The following RASAL2 variants were observed in gnomAD, a reference collection of about 807,000 sequenced individuals.
The protein encoded by RASAL2 is RAS protein activator like 2, also known as ras GTPase-activating protein nGAP.
RASAL2 carries 58 observed loss-of-function variants against 128.9 expected under a neutral mutation model. The ratio of observed to expected loss-of-function variants is 0.45; its 90% confidence interval spans 0.36 to 0.56. The LOEUF is 0.56. Ranked by LOEUF, RASAL2 falls within the 20% of genes least tolerant of loss-of-function variation. The pLI is 0.00. For synonymous variants in RASAL2, 561 were observed against 580.8 expected (o/e 0.97, Z 0.49); for missense variants, 1,360 against 1,601.6 (o/e 0.85, Z 2.57).
At chr1:178,451,026 T>G (rs907971817) in intron 9 of RASAL2, among the ~76,000 whole-genome samples, 1 of 152,180 alleles carries the variant, frequency 6.6e-6, no homozygotes, top group Non-Finnish European at 1.5e-5. Flanking sequence ...TGGAAAAGCA[T>G]ATACAGATTA....
intron 1 of RASAL2, among the ~76,000 whole-genome samples, chr1:178,122,628 G>C (rs1659757402): frequency 6.6e-6 from 1 of 152,198 alleles, no homozygotes; most frequent in Non-Finnish European, 1.5e-5. Context: ...TTAGAGCCAA[G>C]TATGTTTGTG....
chr1:178,187,274 T>C, intron 1 of RASAL2, among the ~76,000 whole-genome samples: 1 of 152,206 alleles, frequency 6.6e-6, no homozygotes, highest in East Asian at 1.9e-4. Context: ...TTGCCATATC[T>C]TATTGTTCAC....
chr1:178,260,436 GGAAGATT>G lies in RASAL2; in HGVS notation c.203-23127_203-23121del, dbSNP rs1297270354. Among the ~76,000 whole-genome samples, 3 of 119,084 alleles carry G rather than the reference GGAAGATT, an allele frequency of 2.5e-5. No individual in the cohort carries two copies. The South Asian group carries it at 9.1e-4, about 36-fold the overall frequency. The allele number at this position is 119,084 out of a possible 152,430, so 78.1% of individuals were successfully genotyped here. A position where few individuals can be genotyped will look rare whatever the true frequency, so the allele number is the denominator to read the frequency against. On this transcript the variant is annotated intron_variant, in intron 1 of 17. Coordinates refer to ENST00000367649, the MANE Select transcript of RASAL2 (RefSeq NM_170692.4). The stretch of plus-strand genomic sequence containing the variant: ...TATATGATAATAATTTTAGCAAACT[GGAAGATT>G]CAAGAAAGTCTGGCACCTTTTATCT...
intron 1 of RASAL2, among the ~76,000 whole-genome samples, chr1:178,206,270 A>G (rs78174654): frequency 3.0e-3 from 464 of 152,284 alleles, no homozygotes; most frequent in Middle Eastern, 6.8e-3. Flanking sequence ...CCAAATGGCT[A>G]AAGTATATTC....
At chr1:178,173,643 A>C (rs1661778945) in intron 1 of RASAL2, among the ~76,000 whole-genome samples, 1 of 152,066 alleles carries the variant, frequency 6.6e-6, no homozygotes, top group Non-Finnish European at 1.5e-5. Context: ...TGTTTCTGTG[A>C]ACCTTAGTGG....
chr1:178,466,455 T>C (rs1051711644), intron 16 of RASAL2, among the ~76,000 whole-genome samples: 12 of 152,142 alleles, frequency 7.9e-5, no homozygotes, highest in Admixed American at 2.0e-4. Context: ...TCCAGAAACA[T>C]GGAAAGGAAT....
intron 4 of RASAL2, among the ~76,000 whole-genome samples, chr1:178,413,675 A>C (rs1324052364): frequency 1.3e-5 from 2 of 152,252 alleles, no homozygotes; most frequent in Non-Finnish European, 2.9e-5. Flanking sequence ...CAGAGCAAGC[A>C]TCAGAACCAG....
chr1:178,327,697 C>T (rs1400084561), intron 3 of RASAL2, among the ~76,000 whole-genome samples: 5 of 152,100 alleles, frequency 3.3e-5, no homozygotes, highest in Admixed American at 1.3e-4. Flanking sequence ...GAAAGACAAC[C>T]TTGTTAGTTC....
intron 17 of RASAL2, among the ~76,000 whole-genome samples, chr1:178,468,233 T>C (rs193044180): frequency 1.4e-3 from 207 of 152,354 alleles, no homozygotes; most frequent in African/African-American, 4.8e-3. Context: ...TTTTATAGTT[T>C]TGATAGTGGC....
intron 1 of RASAL2, among the ~76,000 whole-genome samples, chr1:178,162,776 C>A (rs955292741): frequency 9.9e-5 from 15 of 150,866 alleles, no homozygotes; most frequent in Non-Finnish European, 1.8e-4. Flanking sequence ...TTAGTAGAGA[C>A]AGTGTTTTAC....
intron 1 of RASAL2, among the ~76,000 whole-genome samples, chr1:178,142,824 C>G (rs189492470): frequency 2.2e-4 from 34 of 152,166 alleles, no homozygotes; most frequent in African/African-American, 7.7e-4. Context: ...ACCTCTTGGG[C>G]CTTTTCTGTC....
chr1:178,372,149 T>G lies in RASAL2; in HGVS notation c.458-17951T>G, dbSNP rs928540458. On this transcript the variant is annotated intron_variant, in intron 3 of 17. Transcript: ENST00000367649. ...ACTGCCTAGCCAGCAATTTAAGTGT[T>G]GGACCCCCAAGAATTTAGTCTCTGT... is the stretch of plus-strand genomic sequence containing the variant. 7 of 984,812 alleles carry G rather than the reference T, an allele frequency of 7.1e-6. No homozygotes were observed. In the African/African-American group the frequency reaches 1.2e-4, roughly 17 times the overall value. 61.0% of individuals were successfully genotyped at this position (984,812 alleles called of 1,614,324 possible). A position where few individuals can be genotyped will look rare whatever the true frequency, so the allele number is the denominator to read the frequency against.
intron 17 of RASAL2, among the ~76,000 whole-genome samples, chr1:178,467,726 C>T (rs183380115): frequency 2.0e-5 from 3 of 152,304 alleles, no homozygotes; most frequent in Admixed American, 6.5e-5. Flanking sequence ...TTTCTAAGGG[C>T]GTAATTGTGA....
chr1:178,281,124 T>A (rs1383828413), intron 1 of RASAL2, among the ~76,000 whole-genome samples: 1 of 151,764 alleles, frequency 6.6e-6, no homozygotes, highest in Non-Finnish European at 1.5e-5. Context: ...TTTTTTCTTG[T>A]TTTTTTTCCC....
intron 1 of RASAL2, among the ~76,000 whole-genome samples, chr1:178,096,489 A>AGTGT (rs1558050974): frequency 7.3e-6 from 1 of 136,176 alleles, no homozygotes; most frequent in African/African-American, 2.6e-5. Context: ...TGTGTGTGTA[A>AGTGT]GAGAGAGAGA....
chr1:178,468,707 C>T (rs966730879), intron 17 of RASAL2, among the ~76,000 whole-genome samples: 1 of 152,162 alleles, frequency 6.6e-6, no homozygotes, highest in African/African-American at 2.4e-5. Flanking sequence ...TAGTAATTAT[C>T]TTACTTGGTC....
intron 1 of RASAL2, among the ~76,000 whole-genome samples, chr1:178,176,399 A>T (rs1432531246): frequency 5.2e-5 from 7 of 135,460 alleles, no homozygotes; most frequent in East Asian, 2.0e-4. Context: ...CCACTTTTTG[A>T]TGGGATTTTT....
chr1:178,259,358 C>G, intron 1 of RASAL2, among the ~76,000 whole-genome samples: 1 of 151,920 alleles, frequency 6.6e-6, no homozygotes, highest in Non-Finnish European at 1.5e-5. Context: ...GTCTCGATCT[C>G]CTGACCTCGT....
rs779433400 is a variant in RASAL2 at position 178,443,145 on chromosome 1, C to T, written c.1398C>T (p.Val466=). The T allele has an allele frequency of 6.2e-7, 1 of 1,613,814 alleles. No individual in the cohort carries two copies. Among genetic ancestry groups the T allele is most frequent in the Non-Finnish European group, 8.5e-7 (1 of 1,179,788 alleles). ...VTSNYTMLCS[V]LEPVISVRNK... Reference sequence around the variant, plus strand: ...GCAACTACACCATGCTGTGTTCTGTCCTTGAGCCAGTAATTAGTGTGAGAA... The same window carrying T: ...GCAACTACACCATGCTGTGTTCTGTTCTTGAGCCAGTAATTAGTGTGAGAA... The change falls in exon 8 of 18, where the codon GTC becomes GTT. Residue 466 remains valine, a synonymous_variant. Coordinates refer to ENST00000367649, the MANE Select transcript of RASAL2 (RefSeq NM_170692.4).
Sources: gnomAD v4.1 joint callset for allele counts (sites outside exome capture counted in the v4.1 genomes callset) on GRCh38, gnomAD v4.1.1 for gene constraint, MANE v1.5 for transcripts, NCBI Gene and HGNC (gene_info 2026-07-23, HGNC 2026-07-21) for gene names.